PSME4: variants seen among roughly 807,000 people sequenced by gnomAD.
The protein encoded by PSME4 is proteasome activator subunit 4.
A neutral mutation model predicts 253.9 loss-of-function variants in PSME4; 89 were observed. The observed-to-expected ratio is 0.35, with a 90% CI of 0.30 to 0.42. PSME4 has a LOEUF of 0.42. Among genes scored for constraint, PSME4 ranks in the 10% least tolerant of loss-of-function variants. The probability of loss-of-function intolerance (pLI) is 1.00; values close to 1 mark genes in which losing one functional copy is unlikely to be tolerated. For synonymous variants in PSME4, 851 were observed against 759.2 expected (o/e 1.12, Z -1.99); for missense variants, 2,014 against 2,195.2 (o/e 0.92, Z 1.65).
intron 1 of PSME4, among the ~76,000 whole-genome samples, chr2:53,956,810 G>T (rs546298801): frequency 6.6e-6 from 1 of 152,092 alleles, no homozygotes; most frequent in African/African-American, 2.4e-5. Flanking sequence ...AAAATACAAT[G>T]TTTAAAATCA....
At chr2:53,907,631 T>G (rs552189085) in intron 24 of PSME4, among the ~76,000 whole-genome samples, 1 of 152,296 alleles carries the variant, frequency 6.6e-6, no homozygotes, top group Admixed American at 6.5e-5. Context: ...TTAAGAACTG[T>G]TAATGACTCT....
rs1669323201 is a variant in PSME4 at position 53,940,136 on chromosome 2, T to C, written c.501-136A>G. On this transcript the variant is annotated intron_variant, in intron 3 of 46. Coordinates refer to ENST00000404125, the MANE Select transcript of PSME4 (RefSeq NM_014614.3). ...ACATGTAATAATTGAGCCTTCCCTTTCATACAAACGGAACTGCAAGGATTA... is the reference window on the plus strand; with the variant it reads ...ACATGTAATAATTGAGCCTTCCCTTCCATACAAACGGAACTGCAAGGATTA... 9.5e-6 allele frequency: 6 copies of C among 631,632 alleles called. No individual in the cohort carries two copies. The South Asian group carries it at 1.9e-4, about 20-fold the overall frequency. 39.1% of individuals were successfully genotyped at this position (631,632 alleles called of 1,614,324 possible). A position where few individuals can be genotyped will look rare whatever the true frequency, so the allele number is the denominator to read the frequency against.
rs1400487276 is a variant in PSME4, at chr2:53,898,123, C to T, written c.3477-124G>A. The T allele has an allele frequency of 3.3e-6, 4 of 1,198,036 alleles. No homozygotes were observed. The East Asian group carries it at 9.8e-5, about 29-fold the overall frequency. The allele number at this position is 1,198,036 out of a possible 1,614,324, so 74.2% of individuals were successfully genotyped here. On this transcript the variant is annotated intron_variant, in intron 30 of 46. Transcript: ENST00000404125. ...ATTAAAATAGGTCTAGTGAAGAATACTGCTCCTATCATTAATCCCAAACTT... is the reference window on the plus strand; with the variant it reads ...ATTAAAATAGGTCTAGTGAAGAATATTGCTCCTATCATTAATCCCAAACTT...
Position 53,949,237 on chromosome 2 carries a change from G to C in PSME4, c.289C>G (p.Leu97Val), listed in dbSNP as rs767757443. 1 of 1,608,888 alleles carries C rather than the reference G, an allele frequency of 6.2e-7. No individual in the cohort carries two copies. Among genetic ancestry groups the C allele is most frequent in the Non-Finnish European group, 8.5e-7 (1 of 1,177,414 alleles). ...AGCTCATACAATAACTTAATAAAAAGAACATGATCTTCTTTGCTAAATTTT... is the reference window on the plus strand; with the variant it reads ...AGCTCATACAATAACTTAATAAAAACAACATGATCTTCTTTGCTAAATTTT... ...GRKFSKEDHV[L>V]FIKLLYELVS... is the part of the protein sequence containing the mutation. Residue 97 changes from leucine (L) to valine (V), a missense_variant, in exon 2 of 47, where the codon CTT becomes GTT. By Grantham distance (32) the Leu-to-Val change is conservative. Coordinates refer to ENST00000404125, the MANE Select transcript of PSME4 (RefSeq NM_014614.3).
chr2:53,957,851 G>A (rs1670306277), intron 1 of PSME4, among the ~76,000 whole-genome samples: 1 of 152,220 alleles, frequency 6.6e-6, no homozygotes, highest in South Asian at 2.1e-4. Context: ...CTTAATAATG[G>A]TAACAAAATA....
At chr2:53,880,211 C>G (rs1423400111) in intron 41 of PSME4, among the ~76,000 whole-genome samples, 1 of 152,156 alleles carries the variant, frequency 6.6e-6, no homozygotes, top group African/African-American at 2.4e-5. Flanking sequence ...CATCCTAGCA[C>G]TTTGGAGGCC....
chr2:53,895,507 C>A (rs1439570807), intron 33 of PSME4, 76 bp downstream of exon 33: 2 of 1,430,248 alleles, frequency 1.4e-6, no homozygotes, highest in African/African-American at 2.9e-5. Flanking sequence ...GCCTCTGAAC[C>A]TCCCCAGAAA....
chr2:53,880,884 T>C (rs576151126), intron 41 of PSME4, among the ~76,000 whole-genome samples: 17 of 152,254 alleles, frequency 1.1e-4, no homozygotes, highest in African/African-American at 3.9e-4. Flanking sequence ...AGAGTTTGGG[T>C]AGTTAACTGT....
intron 17 of PSME4, among the ~76,000 whole-genome samples, chr2:53,921,491 C>A (rs918088394): frequency 1.3e-5 from 2 of 151,066 alleles, no homozygotes; most frequent in South Asian, 4.2e-4. Context: ...GTGATCCGCC[C>A]GCCTCGGCCT....
intron 34 of PSME4, among the ~76,000 whole-genome samples, chr2:53,894,550 G>A (rs1247284169): frequency 6.6e-6 from 1 of 152,212 alleles, no homozygotes; most frequent in Non-Finnish European, 1.5e-5. Flanking sequence ...GGGATTACAG[G>A]CATGTGCCAT....
chr2:53,882,059 G>A (rs1175146753), intron 41 of PSME4, among the ~76,000 whole-genome samples: 1 of 151,772 alleles, frequency 6.6e-6, no homozygotes, highest in East Asian at 1.9e-4. Flanking sequence ...TATATTTCAG[G>A]ATTTTTTATG....
chr2:53,956,680 C>T (rs1435169891), intron 1 of PSME4, among the ~76,000 whole-genome samples: 3 of 151,848 alleles, frequency 2.0e-5, no homozygotes, highest in Non-Finnish European at 4.4e-5. Context: ...TTAAGCGATT[C>T]TCCTGCCTCA....
At chr2:53,941,727 G>A (rs558167179) in intron 3 of PSME4, among the ~76,000 whole-genome samples, 9 of 151,966 alleles carry the variant, frequency 5.9e-5, no homozygotes, top group African/African-American at 2.2e-4. Flanking sequence ...ATTTTTAAAA[G>A]GTAATTCTAA....
At chr2:53,962,865 G>A (rs998162097) in intron 1 of PSME4, among the ~76,000 whole-genome samples, 6 of 151,946 alleles carry the variant, frequency 3.9e-5, no homozygotes, top group South Asian at 2.1e-4. Flanking sequence ...AGAAAAATTC[G>A]CCAGGCATGG....
intron 44 of PSME4, among the ~76,000 whole-genome samples, chr2:53,869,033 C>A (rs1242295334): frequency 6.6e-6 from 1 of 152,164 alleles, no homozygotes; most frequent in Non-Finnish European, 1.5e-5. Context: ...AGTACATCTA[C>A]ATTTAAGTTC....
chr2:53,927,466 T>C lies in PSME4; in HGVS notation c.1521A>G (p.Ile507Met), dbSNP rs1336255741. The change falls in exon 12 of 47, where the codon ATA becomes ATG. Residue 507 changes from isoleucine to methionine, a missense_variant. Coordinates refer to ENST00000404125, the MANE Select transcript of PSME4 (RefSeq NM_014614.3). ...FSKCMITFQF[I>M]ATFSTLVPLV... is the part of the protein sequence containing the mutation. ...AAGGCACCAGAGTAGAAAATGTTGC[T>C]ATGAACTGGAATGTGATCTGTGGAA... 6.3e-7 allele frequency: 1 copy of C among 1,590,364 alleles called. No homozygotes were observed. The highest frequency in any genetic ancestry group is 1.3e-5 in the African/African-American group (1 of 74,424).
Position 53,899,807 on chromosome 2 carries a change from G to C in PSME4, c.3422+74C>G. The C allele has an allele frequency of 2.6e-6, 4 of 1,518,586 alleles. No individual in the cohort carries two copies. The South Asian group carries it at 4.9e-5, about 18-fold the overall frequency. The allele number at this position is 1,518,586 out of a possible 1,614,324, so 94.1% of individuals were successfully genotyped here. On this transcript the variant is annotated intron_variant, in intron 29 of 46. Transcript: ENST00000404125. ...TACTCCAGCCTGGGCAACAGAGCAA[G>C]ACTCTGTCTCAAAAAAAAGCCAAAA...
chr2:53,885,632 C>T, intron 41 of PSME4, 58 bp downstream of exon 41: 2 of 1,308,482 alleles, frequency 1.5e-6, no homozygotes, highest in Admixed American at 1.8e-5. Context: ...AGATGATGAA[C>T]ACAAATTCCT....
chr2:53,875,562 T>C (rs1249650532), intron 42 of PSME4, 65 bp downstream of exon 42: 2 of 1,488,688 alleles, frequency 1.3e-6, no homozygotes, highest in Admixed American at 4.2e-5. Flanking sequence ...TGCAGCTGAC[T>C]GAAATTCTTA....
Sources: gnomAD v4.1 joint callset for allele counts (sites outside exome capture counted in the v4.1 genomes callset) on GRCh38, gnomAD v4.1.1 for gene constraint, MANE v1.5 for transcripts, NCBI Gene and HGNC (gene_info 2026-07-23, HGNC 2026-07-21) for gene names.